STK32B: variants seen among roughly 807,000 people sequenced by gnomAD.
STK32B encodes the protein serine/threonine kinase 32B, also known as serine/threonine-protein kinase 32B.
A neutral mutation model predicts 52.6 loss-of-function variants in STK32B; 43 were observed. The ratio of observed to expected loss-of-function variants is 0.82; its 90% CI spans 0.64 to 1.05. STK32B has a LOEUF of 1.05. Among genes scored for constraint, STK32B ranks in the 50% least tolerant of loss-of-function variants. The pLI, the probability that STK32B is intolerant of heterozygous loss-of-function variation, is 0.00. For missense variants in STK32B, 621 were observed against 534.6 expected, an observed-to-expected ratio of 1.16 and a Z score of -1.59; for synonymous variants, 238 against 204.3, an observed-to-expected ratio of 1.17 and a Z score of -1.41.
chr4:5,422,223 G>A (rs1043441351), intron 6 of STK32B, among the ~76,000 whole-genome samples: 5 of 152,304 alleles, frequency 3.3e-5, no homozygotes, highest in African/African-American at 1.2e-4. Context: ...ACCAGGCAGT[G>A]GGAGTTTAGT....
intron 3 of STK32B, among the ~76,000 whole-genome samples, chr4:5,176,294 C>CT (rs901246535): frequency 6.6e-6 from 1 of 152,168 alleles, no homozygotes; most frequent in African/African-American, 2.4e-5. Context: ...GCATGGTGTG[C>CT]TGCACCCACT....
intron 1 of STK32B, among the ~76,000 whole-genome samples, chr4:5,121,553 G>A (rs1715025666): frequency 6.6e-6 from 1 of 152,194 alleles, no homozygotes; most frequent in South Asian, 2.1e-4. Flanking sequence ...CCTATCAGCA[G>A]TAATCACAAT....
chr4:5,177,116 T>A (rs1325112527), intron 3 of STK32B, among the ~76,000 whole-genome samples: 2 of 152,226 alleles, frequency 1.3e-5, no homozygotes, highest in African/African-American at 2.4e-5. Context: ...TAGTTCACTC[T>A]TATACTGCTA....
intron 1 of STK32B, among the ~76,000 whole-genome samples, chr4:5,128,928 C>A (rs1050377597): frequency 1.3e-5 from 2 of 152,202 alleles, no homozygotes; most frequent in Admixed American, 6.5e-5. Flanking sequence ...AAAACGTCAC[C>A]TTCAGCATTT....
At position 5,380,162 on chromosome 4, in the gene STK32B, C is replaced by T. The variant is rs1333394400; in HGVS notation, c.435-18045C>T. On this transcript the variant is annotated intron_variant, in intron 4 of 11. Transcript: ENST00000282908. This position sits in a 1 kb window ranked among gnomAD's most constrained non-coding sequence, Gnocchi z 4.3. ...TCTGGTGAAGCCGCTCCTAACCAGACCCATCCTGCAGCTGGCTGTAAGCTA... is the reference window on the plus strand; with the variant it reads ...TCTGGTGAAGCCGCTCCTAACCAGATCCATCCTGCAGCTGGCTGTAAGCTA... Among the ~76,000 whole-genome samples, 2 of 152,192 alleles carry T rather than the reference C, an allele frequency of 1.3e-5. No individual in the cohort carries two copies. Among genetic ancestry groups the T allele is most frequent in the Non-Finnish European group, 2.9e-5 (2 of 68,042 alleles).
chr4:5,038,987 T>TTC, the STK32B span, among the ~76,000 whole-genome samples: 25 of 139,410 alleles, frequency 1.8e-4, no homozygotes, highest in African/African-American at 7.0e-4. Context: ...ATTTCTTTCT[T>TTC]TTTTTTTTTT....
rs1474087308 is a variant in STK32B, at chr4:5,400,535, G to T, written c.472+2291G>T. ...TCGAAAAGTCTCTGCTAGCTGGTGGGACAGAGCGTTGAATATAATATTTCA... is the reference window on the plus strand; with the variant it reads ...TCGAAAAGTCTCTGCTAGCTGGTGGTACAGAGCGTTGAATATAATATTTCA... On this transcript the variant is annotated intron_variant, in intron 5 of 11. Coordinates refer to ENST00000282908, the MANE Select transcript of STK32B (RefSeq NM_018401.3). The surrounding 1 kb of genome is among the most constrained non-coding windows in gnomAD (Gnocchi z 6.1). Among the ~76,000 whole-genome samples, 1 of 152,150 alleles carries T rather than the reference G, an allele frequency of 6.6e-6. No individual in the cohort carries two copies. Among genetic ancestry groups the T allele is most frequent in the Non-Finnish European group, 1.5e-5 (1 of 68,050 alleles).
rs140037784 is a variant in STK32B at position 5,420,445 on chromosome 4, T to C, written c.562+3511T>C. Among the ~76,000 whole-genome samples the C allele has an allele frequency of 1.8e-4, 27 of 152,084 alleles. No homozygotes were observed. The East Asian group carries it at 5.2e-3, about 29-fold the overall frequency. ...CAACTGGGCGAGATTCAGCAACTGATGGGATGGAGAATGGGGGCAACGGCA... is the reference window on the plus strand; with the variant it reads ...CAACTGGGCGAGATTCAGCAACTGACGGGATGGAGAATGGGGGCAACGGCA... On this transcript the variant is annotated intron_variant, in intron 6 of 11. Coordinates refer to ENST00000282908, the MANE Select transcript of STK32B (RefSeq NM_018401.3).
intron 1 of STK32B, among the ~76,000 whole-genome samples, chr4:5,080,246 A>T (rs1389975664): frequency 6.6e-6 from 1 of 152,072 alleles, no homozygotes; most frequent in African/African-American, 2.4e-5. Context: ...CCTCTCAGAC[A>T]CCATCGTCTT....
chr4:5,135,616 G>T (rs1035823749), intron 1 of STK32B, among the ~76,000 whole-genome samples: 18 of 152,246 alleles, frequency 1.2e-4, no homozygotes, highest in African/African-American at 4.1e-4. Flanking sequence ...GTGGTTGCTG[G>T]CCTGTGTTCA....
chr4:5,348,291 G>C (rs1469033392), intron 4 of STK32B, among the ~76,000 whole-genome samples: 1 of 152,210 alleles, frequency 6.6e-6, no homozygotes, highest in East Asian at 1.9e-4. Context: ...CACTGCTCCA[G>C]AGAGGGAGTC....
chr4:5,086,539 A>G (rs1712741285), intron 1 of STK32B, among the ~76,000 whole-genome samples: 1 of 152,224 alleles, frequency 6.6e-6, no homozygotes, highest in African/African-American at 2.4e-5. Flanking sequence ...AAGAGAAGAA[A>G]TAATATTTGA....
At position 5,456,871 on chromosome 4, in the gene STK32B, G is replaced by C; in HGVS notation, c.731G>C (p.Arg244Pro). 6.3e-7 allele frequency: 1 copy of C among 1,598,246 alleles called. No homozygotes were observed. Among genetic ancestry groups the C allele is most frequent in the Non-Finnish European group, 8.5e-7 (1 of 1,171,324 alleles). ...DEILNMFKVERVHYSSTWCKG... is the reference protein window; with the variant it reads ...DEILNMFKVEPVHYSSTWCKG... ...ATCCTCAACATGTTCAAGGTGGAGC[G>C]TGTCCACTACTCCTCCACGTGGTGC... is the stretch of plus-strand genomic sequence containing the variant. Residue 244 changes from arginine to proline, a missense_variant, in exon 8 of 12, where the codon CGT becomes CCT. By Grantham distance (103) the Arg-to-Pro change is moderately radical (BLOSUM62 -2). Transcript: ENST00000282908.
chr4:5,022,085 A>G, the STK32B span, among the ~76,000 whole-genome samples: 16 of 152,144 alleles, frequency 1.1e-4, no homozygotes, highest in Non-Finnish European at 1.6e-4. Context: ...GCCGAGCCCA[A>G]TGCATGCCAG....
At chr4:5,416,320 T>C (rs1270503034) in intron 5 of STK32B, among the ~76,000 whole-genome samples, 3 of 152,298 alleles carry the variant, frequency 2.0e-5, no homozygotes, top group East Asian at 3.9e-4. Flanking sequence ...AGCCTATCCA[T>C]GCCCATCTGC....
Position 5,368,760 on chromosome 4 carries a change from C to G in STK32B, c.435-29447C>G, listed in dbSNP as rs182292536. On this transcript the variant is annotated intron_variant, in intron 4 of 11. Transcript: ENST00000282908. ...GCAGTTCCTGTCCTCTGAAAAACAC[C>G]CCAGAAATCCACTGCTGGTGTCCTC... is the stretch of plus-strand genomic sequence containing the variant. Among the ~76,000 whole-genome samples, 305 of 152,242 alleles carry G rather than the reference C, an allele frequency of 2.0e-3. 4 individuals carry two copies. Among genetic ancestry groups the G allele is most frequent in the African/African-American group, 7.0e-3 (290 of 41,560 alleles).
upstream of STK32B, among the ~76,000 whole-genome samples, chr4:5,048,922 G>A (rs1031209725): frequency 6.6e-6 from 1 of 152,246 alleles, no homozygotes; most frequent in Non-Finnish European, 1.5e-5. Context: ...GGGGAGCAGA[G>A]AAGTGAAGGG....
intron 3 of STK32B, among the ~76,000 whole-genome samples, chr4:5,260,756 C>G (rs28651319): frequency 0.19 from 28,466 of 152,028 alleles, 5,811 homozygotes; most frequent in African/African-American, 0.51. Context: ...CAGACTCTGA[C>G]ATGGAAGTTA....
At chr4:5,108,794 C>T (rs988676706) in intron 1 of STK32B, among the ~76,000 whole-genome samples, 3 of 152,162 alleles carry the variant, frequency 2.0e-5, no homozygotes, top group Non-Finnish European at 1.5e-5. Context: ...CTGTTGACTC[C>T]ACAAAGTAGG....
Sources: gnomAD v4.1 joint callset for allele counts (sites outside exome capture counted in the v4.1 genomes callset) on GRCh38, gnomAD v4.1.1 for gene constraint, Gnocchi (gnomAD v3.1) non-coding constraint, MANE v1.5 for transcripts, NCBI Gene and HGNC (gene_info 2026-07-23, HGNC 2026-07-21) for gene names.